The following DMD variants were observed in gnomAD, a reference collection of about 807,000 sequenced individuals.
DMD encodes the protein mutant dystrophin.
DMD carries 63 observed loss-of-function variants against 330.1 expected under a neutral mutation model. That is an observed-to-expected ratio of 0.19 (90% CI 0.16 to 0.24). The LOEUF (loss-of-function observed/expected upper bound fraction) is 0.24, where lower values mean the gene tolerates loss of function less well. DMD is among the 10% of genes least tolerant of loss of function. The pLI, the probability that DMD is intolerant of heterozygous loss-of-function variation, is 1.00. For missense variants in DMD, 3,344 were observed against 2,684.1 expected, an observed-to-expected ratio of 1.25 and a Z score of -5.43; for synonymous variants, 1,223 against 959.8, an observed-to-expected ratio of 1.27 and a Z score of -5.07.
intron 50 of DMD, among the ~76,000 whole-genome samples, chrX:31,780,977 T>C (rs773887480): frequency 4.9e-4 from 55 of 112,069 alleles, no homozygotes; most frequent in Non-Finnish European, 9.0e-4. Flanking sequence ...TTGGGAGCTA[T>C]GGATTTTTAA....
chrX:32,613,273 A>G (rs908302187), intron 12 of DMD, among the ~76,000 whole-genome samples: 7 of 111,039 alleles, frequency 6.3e-5, no homozygotes, highest in Non-Finnish European at 1.3e-4. Flanking sequence ...TCCTGGGACA[A>G]TTACAAAGGA....
At chrX:31,510,744 C>T (rs1043799885) in intron 55 of DMD, among the ~76,000 whole-genome samples, 4 of 110,229 alleles carry the variant, frequency 3.6e-5, no homozygotes, top group South Asian at 3.9e-4. Context: ...CTCCTGACCT[C>T]GTGATCCGCC....
At chrX:32,735,647 G>C (rs777428779) in intron 7 of DMD, among the ~76,000 whole-genome samples, 245 of 111,351 alleles carry the variant, frequency 2.2e-3, no homozygotes, top group Non-Finnish European at 3.5e-3. Flanking sequence ...ACAAACCTGA[G>C]AAAAACAAGC....
intron 45 of DMD, among the ~76,000 whole-genome samples, chrX:31,965,603 C>T (rs1348701878): frequency 2.7e-5 from 3 of 111,305 alleles, no homozygotes; most frequent in Non-Finnish European, 5.7e-5. Context: ...GAGCATGGCG[C>T]CCCTTGCTAT....
intron 52 of DMD, among the ~76,000 whole-genome samples, chrX:31,716,347 C>T (rs28413145): frequency 0.16 from 17,250 of 111,141 alleles, 1,179 homozygotes; most frequent in Admixed American, 0.32. Context: ...AGGTTGGGAG[C>T]TCGAGACCAG....
At chrX:32,239,180 C>T (rs1449072894) in intron 43 of DMD, among the ~76,000 whole-genome samples, 6 of 111,381 alleles carry the variant, frequency 5.4e-5, no homozygotes, top group South Asian at 3.8e-4. Flanking sequence ...CATTGTCAAA[C>T]GTCCTCTGCA....
chrX:31,768,913 T>A (rs1393866084), intron 51 of DMD, among the ~76,000 whole-genome samples: 1 of 112,350 alleles, frequency 8.9e-6, no homozygotes, highest in Non-Finnish European at 1.9e-5. Flanking sequence ...TTAATTTTTT[T>A]AAATGGCTGT....
In DMD at chrX:32,613,739, C is replaced by T. The variant is rs147366508; in HGVS notation, c.1482+564G>A. ...TCACATACCCTGCGTTGTTCTCATCCACAAATATGTTTGATTTCTTTTCCA... is the reference window on the plus strand; with the variant it reads ...TCACATACCCTGCGTTGTTCTCATCTACAAATATGTTTGATTTCTTTTCCA... On this transcript the variant is annotated intron_variant, in intron 12 of 78. Coordinates refer to ENST00000357033, the MANE Select transcript of DMD (RefSeq NM_004006.3). Among the ~76,000 whole-genome samples the T allele has an allele frequency of 5.7e-3, 636 of 110,934 alleles. 2 individuals are homozygous for T. Among genetic ancestry groups the T allele is most frequent in the Non-Finnish European group, 8.5e-3 (447 of 52,743 alleles).
At chrX:32,306,243 A>G (rs180869186) in intron 42 of DMD, among the ~76,000 whole-genome samples, 42 of 111,048 alleles carry the variant, frequency 3.8e-4, no homozygotes, top group African/African-American at 1.2e-3. Context: ...CTTAATAACT[A>G]TTTTTGGAAT....
In DMD at chrX:32,046,496, C is replaced by A. The variant is rs964790862; in HGVS notation, c.6439-77982G>T. ...TTATAATTGCATTTCATATTTTGGG[C>A]CCTTAAATTTCGAAATCTACGTTTC... On this transcript the variant is annotated intron_variant, in intron 44 of 78. Transcript: ENST00000357033. 5.4e-5 allele frequency among the ~76,000 whole-genome samples: 6 copies of A among 112,090 alleles called. No homozygotes were observed. The South Asian group carries it at 2.2e-3, about 41-fold the overall frequency.
At chrX:31,791,712 CT>C (rs1321075220) in intron 50 of DMD, among the ~76,000 whole-genome samples, 5 of 111,381 alleles carry the variant, frequency 4.5e-5, no homozygotes, top group Admixed American at 9.6e-5. Flanking sequence ...GTTTCTTAGA[CT>C]TTTTTTTGCA....
At chrX:32,488,160 G>A (rs1296356429) in intron 20 of DMD, among the ~76,000 whole-genome samples, 3 of 111,912 alleles carry the variant, frequency 2.7e-5, no homozygotes, top group Non-Finnish European at 5.6e-5. Flanking sequence ...ATAAATCATA[G>A]AAGAGATACT....
At chrX:32,908,852 TG>T (rs753577282) in intron 2 of DMD, among the ~76,000 whole-genome samples, 2 of 111,535 alleles carry the variant, frequency 1.8e-5, no homozygotes, top group Non-Finnish European at 3.8e-5. Flanking sequence ...TGTGAACCTA[TG>T]CTGGTTAGAT....
chrX:31,139,938 T>C (rs994756442), intron 76 of DMD, among the ~76,000 whole-genome samples: 1 of 112,520 alleles, frequency 8.9e-6, no homozygotes, highest in African/African-American at 3.2e-5. Flanking sequence ...TCCAAATAAA[T>C]CACTGAAACA....
chrX:33,309,266 T>C lies in DMD; in HGVS notation c.7+29993A>G, dbSNP rs780155934. ...TATCAATTGAAGTTAATAACTTTGG[T>C]CTGCTCTAGCGCGCTATGTTATTGA... On this transcript the variant is annotated intron_variant, in intron 1 of 17. Coordinates refer to the DMD transcript ENST00000288447. Among the ~76,000 whole-genome samples the C allele has an allele frequency of 1.6e-4, 18 of 111,824 alleles. No individual in the cohort carries two copies. The South Asian group carries it at 6.6e-3, about 41-fold the overall frequency.
chrX:32,815,520 T>TACACACACACACACACAC (rs1557051739), intron 6 of DMD, among the ~76,000 whole-genome samples: 9 of 78,914 alleles, frequency 1.1e-4, no homozygotes, highest in African/African-American at 4.8e-4. Context: ...TATATATATA[T>TACACACACACACACACAC]ACACACACAC....
intron 44 of DMD, among the ~76,000 whole-genome samples, chrX:32,030,719 C>T (rs188433712): frequency 3.6e-5 from 4 of 111,603 alleles, no homozygotes; most frequent in African/African-American, 1.3e-4. Flanking sequence ...TATAGCATGG[C>T]TATAAGATTT....
At chrX:33,322,388 G>A (rs1469930686) in intron 1 of DMD, among the ~76,000 whole-genome samples, 1 of 109,784 alleles carries the variant, frequency 9.1e-6, no homozygotes, top group Admixed American at 9.9e-5. Flanking sequence ...ACAGATGTGG[G>A]GGGGTGGGGG....
rs776310176 is a variant in DMD, at chrX:31,801,589, C to G, written c.7309+18386G>C. ...ATCTTAAGTGTCCTCATCCCCCCCC[C>G]CCAACACACACACAATAGTAACTAT... On this transcript the variant is annotated intron_variant, in intron 50 of 78. Coordinates refer to ENST00000357033, the MANE Select transcript of DMD (RefSeq NM_004006.3). 6.3e-5 allele frequency among the ~76,000 whole-genome samples: 5 copies of G among 78,867 alleles called. No homozygotes were observed. The East Asian group carries it at 2.5e-3, about 40-fold the overall frequency. The allele number at this position is 78,867 out of a possible 115,157, so 68.5% of individuals were successfully genotyped here.
Sources: allele counts gnomAD v4.1 joint callset (sites outside exome capture counted in the v4.1 genomes callset), GRCh38; gene constraint gnomAD v4.1.1; transcripts MANE v1.5; gene names NCBI Gene and HGNC (gene_info 2026-07-23, HGNC 2026-07-21).